MARCHF1: variants seen among roughly 807,000 people sequenced by gnomAD.
MARCHF1 encodes membrane associated ring-CH-type finger 1, also known as E3 ubiquitin-protein ligase MARCHF1.
In MARCHF1, 40 loss-of-function variants were observed where a neutral mutation model predicts 54.2. The ratio of observed to expected loss-of-function variants is 0.74; its 90% CI spans 0.57 to 0.96. The LOEUF (loss-of-function observed/expected upper bound fraction) is 0.96, where lower values mean the gene tolerates loss of function less well. Among genes scored for constraint, MARCHF1 ranks in the 40% least tolerant of loss-of-function variants. MARCHF1 has a pLI of 0.00. For synonymous variants in MARCHF1, 236 were observed against 236.3 expected, an observed-to-expected ratio of 1.00 and a Z score of 0.01; for missense variants, 586 against 656.5, an observed-to-expected ratio of 0.89 and a Z score of 1.17.
At chr4:164,156,633 G>T (rs1730084278) in intron 1 of MARCHF1, among the ~76,000 whole-genome samples, 1 of 152,110 alleles carries the variant, frequency 6.6e-6, no homozygotes, top group Non-Finnish European at 1.5e-5. Flanking sequence ...TGTTGCCCAG[G>T]TCGGTCTCAA....
intron 3 of MARCHF1, among the ~76,000 whole-genome samples, chr4:163,986,912 T>C (rs1277127347): frequency 6.6e-6 from 1 of 152,202 alleles, no homozygotes; most frequent in Non-Finnish European, 1.5e-5. Context: ...TTCCAAATAT[T>C]ACTCAGATGC....
intron 9 of MARCHF1, among the ~76,000 whole-genome samples, chr4:163,538,981 G>A (rs747575940): frequency 6.6e-6 from 1 of 150,906 alleles, no homozygotes; most frequent in African/African-American, 2.5e-5. Flanking sequence ...GCAGATGGTG[G>A]TTTCGCTCTC....
At chr4:163,749,792 G>T (rs1032781392) in intron 4 of MARCHF1, among the ~76,000 whole-genome samples, 1 of 151,924 alleles carries the variant, frequency 6.6e-6, no homozygotes, top group Non-Finnish European at 1.5e-5. Context: ...GGCCAGGTGT[G>T]GTGACTCACA....
intron 1 of MARCHF1, among the ~76,000 whole-genome samples, chr4:164,319,906 G>A (rs1160133273): frequency 1.3e-5 from 2 of 151,952 alleles, no homozygotes; most frequent in Non-Finnish European, 2.9e-5. Flanking sequence ...TGTAAAATGA[G>A]CAACATAATA....
chr4:164,118,989 G>GA (rs1358390503), intron 1 of MARCHF1, among the ~76,000 whole-genome samples: 1 of 146,666 alleles, frequency 6.8e-6, no homozygotes, highest in African/African-American at 2.5e-5. Flanking sequence ...AAACAAGTGG[G>GA]AAAAATTTAT....
rs550297127 is a variant in MARCHF1, at chr4:164,338,605, AT to A, written c.-323+45264del. Among the ~76,000 whole-genome samples, 353 of 152,340 alleles carry A rather than the reference AT, an allele frequency of 2.3e-3. 1 individual carries two copies. Among genetic ancestry groups the A allele is most frequent in the African/African-American group, 7.8e-3 (326 of 41,564 alleles). ...TGGAAACAAAAAAAGAGCAGGGGTA[AT>A]TATATAAGACAAAACAGACTTTAAG... On this transcript the variant is annotated intron_variant, in intron 1 of 9. Transcript: ENST00000514618.
At chr4:164,206,330 G>A (rs1311190081) in intron 1 of MARCHF1, among the ~76,000 whole-genome samples, 3 of 151,990 alleles carry the variant, frequency 2.0e-5, no homozygotes, top group East Asian at 1.9e-4. Flanking sequence ...CCAGCTACTC[G>A]GGAGGCTGAG....
At chr4:164,254,417 C>T (rs1733211277) in intron 1 of MARCHF1, among the ~76,000 whole-genome samples, 2 of 148,356 alleles carry the variant, frequency 1.3e-5, no homozygotes, top group Admixed American at 1.3e-4. Context: ...TTAATAAACT[C>T]CTATATATAT....
intron 1 of MARCHF1, among the ~76,000 whole-genome samples, chr4:164,268,770 T>C (rs1733673235): frequency 2.6e-5 from 4 of 152,266 alleles, no homozygotes; most frequent in East Asian, 1.9e-4. Flanking sequence ...GAATCACACA[T>C]TGATCTTCTT....
At chr4:163,933,268 G>A in intron 3 of MARCHF1, 1 of 677,994 alleles carries the variant, frequency 1.5e-6, no homozygotes. Context: ...CAGACAGGGT[G>A]TCATCCTTCT....
At chr4:163,804,945 C>T (rs982260339) in intron 4 of MARCHF1, among the ~76,000 whole-genome samples, 30 of 152,052 alleles carry the variant, frequency 2.0e-4, no homozygotes, top group Non-Finnish European at 3.7e-4. Context: ...ATTGCAATCT[C>T]GAAATGAGAC....
intron 5 of MARCHF1, among the ~76,000 whole-genome samples, chr4:163,630,791 G>T (rs1326902797): frequency 6.6e-6 from 1 of 151,670 alleles, no homozygotes; most frequent in African/African-American, 2.4e-5. Flanking sequence ...GGAAAGAAGA[G>T]AGAAATGAAG....
In MARCHF1 at chr4:163,664,332, A is replaced by C. The variant is rs139839916; in HGVS notation, c.162+36481T>G. Among the ~76,000 whole-genome samples the C allele has an allele frequency of 2.0e-5, 3 of 152,220 alleles. No individual in the cohort carries two copies. The East Asian group carries it at 5.8e-4, about 29-fold the overall frequency. Reference sequence around the variant, plus strand: ...TGAAAAGATACTTTGAAATACAGTAACTGGATACTATTTTAAAATAATGTA... The same window carrying C: ...TGAAAAGATACTTTGAAATACAGTACCTGGATACTATTTTAAAATAATGTA... On this transcript the variant is annotated intron_variant, in intron 5 of 9. Coordinates refer to ENST00000514618, the MANE Select transcript of MARCHF1 (RefSeq NM_001394959.1).
chr4:163,743,084 A>G (rs1746255635), intron 4 of MARCHF1, among the ~76,000 whole-genome samples: 1 of 152,226 alleles, frequency 6.6e-6, no homozygotes, highest in Non-Finnish European at 1.5e-5. Context: ...AAATTAAAGC[A>G]TTTGCTTTAA....
Position 164,184,844 on chromosome 4 carries a change from C to G in MARCHF1, c.-322-73182G>C, listed in dbSNP as rs538908350. On this transcript the variant is annotated intron_variant, in intron 1 of 9. Coordinates refer to ENST00000514618, the MANE Select transcript of MARCHF1 (RefSeq NM_001394959.1). ...TATAAATGGATCCTAATACCCAAAC[C>G]TACATAGAGTATGTTGTCTAAAAAT... is the stretch of plus-strand genomic sequence containing the variant. 5.9e-5 allele frequency among the ~76,000 whole-genome samples: 9 copies of G among 152,222 alleles called. 1 individual carries two copies. The South Asian group carries it at 1.9e-3, about 32-fold the overall frequency.
chr4:163,944,886 T>C (rs749964785), intron 3 of MARCHF1, among the ~76,000 whole-genome samples: 5 of 152,178 alleles, frequency 3.3e-5, no homozygotes, highest in Admixed American at 6.6e-5. Flanking sequence ...TGATTAGATA[T>C]AGACATTGAA....
intron 1 of MARCHF1, among the ~76,000 whole-genome samples, chr4:164,251,637 AC>A (rs1733128956): frequency 6.6e-6 from 1 of 152,188 alleles, no homozygotes; most frequent in South Asian, 2.1e-4. Context: ...TATTGATAAA[AC>A]TTTTTATTGC....
At chr4:163,970,961 C>T (rs1300823817) in intron 3 of MARCHF1, among the ~76,000 whole-genome samples, 2 of 152,188 alleles carry the variant, frequency 1.3e-5, no homozygotes, top group African/African-American at 4.8e-5. Context: ...GAACTAGGCA[C>T]AATACCCCCG....
At chr4:164,367,949 C>T (rs1158999464) in intron 1 of MARCHF1, among the ~76,000 whole-genome samples, 2 of 150,832 alleles carry the variant, frequency 1.3e-5, no homozygotes, top group Non-Finnish European at 3.0e-5. Flanking sequence ...GGCAATAGTG[C>T]TAAAGTAGTA....
Sources: gnomAD v4.1 joint callset for allele counts (sites outside exome capture counted in the v4.1 genomes callset) on GRCh38, gnomAD v4.1.1 for gene constraint, MANE v1.5 for transcripts, NCBI Gene and HGNC (gene_info 2026-07-23, HGNC 2026-07-21) for gene names.